The following CUL3 variants were observed in gnomAD, a reference collection of about 807,000 sequenced individuals.
CUL3 encodes cullin 3, also known as cullin-3.
A neutral mutation model predicts 89.1 loss-of-function variants in CUL3; 19 were observed. That is an observed-to-expected ratio of 0.21 (90% CI 0.15 to 0.31). The LOEUF is 0.31. Ranked by LOEUF, CUL3 falls within the 10% of genes least tolerant of loss-of-function variation. The pLI is 1.00. For missense variants in CUL3, 469 were observed against 942.3 expected (o/e 0.50, Z 6.58); for synonymous variants, 351 against 308.4 (o/e 1.14, Z -1.45).
chr2:224,560,509 A>G (rs1694869530), intron 1 of CUL3: 1 of 153,002 alleles, frequency 6.5e-6, no homozygotes, highest in Non-Finnish European at 1.5e-5. Flanking sequence ...CAGCTGAACA[A>G]ATGTCCACTC....
intron 3 of CUL3, among the ~76,000 whole-genome samples, chr2:224,526,731 C>T (rs1375583606): frequency 6.6e-6 from 1 of 150,766 alleles, no homozygotes; most frequent in African/African-American, 2.4e-5. Context: ...AAAATCATCA[C>T]TGCATATACC....
intron 3 of CUL3, among the ~76,000 whole-genome samples, chr2:224,533,962 A>G (rs977165089): frequency 3.9e-5 from 6 of 152,188 alleles, no homozygotes; most frequent in Non-Finnish European, 5.9e-5. Context: ...AATTCTTCCC[A>G]AACATTGCTT....
intron 6 of CUL3, among the ~76,000 whole-genome samples, chr2:224,508,976 A>ATACC (rs1419965047): frequency 2.0e-5 from 3 of 151,800 alleles, no homozygotes. Flanking sequence ...AAAAAAAAAG[A>ATACC]TACCTCTGAA....
intron 9 of CUL3, 65 bp downstream of exon 9, chr2:224,503,584 CGTT>C: frequency 8.1e-7 from 1 of 1,239,886 alleles, no homozygotes; most frequent in South Asian, 1.8e-5. Context: ...TTTCCAATCA[CGTT>C]GTCAGTACAC....
chr2:224,520,593 A>G (rs560738980), intron 3 of CUL3, among the ~76,000 whole-genome samples: 1 of 152,294 alleles, frequency 6.6e-6, no homozygotes, highest in Non-Finnish European at 1.5e-5. Flanking sequence ...TAAAACATCA[A>G]CTAGGACAGG....
intron 5 of CUL3, 61 bp from the exon 6 acceptor site, chr2:224,511,643 G>C: frequency 1.1e-6 from 1 of 932,746 alleles, no homozygotes; most frequent in Non-Finnish European, 1.6e-6. Context: ...TTTGCTTTTA[G>C]CTGGGTTTCT....
intron 3 of CUL3, among the ~76,000 whole-genome samples, chr2:224,515,869 T>C (rs1200550335): frequency 6.6e-6 from 1 of 152,102 alleles, no homozygotes; most frequent in African/African-American, 2.4e-5. Flanking sequence ...ATCTTTTTAT[T>C]TTTTTGTGGA....
At chr2:224,477,631 T>C (rs180704908) in intron 15 of CUL3, among the ~76,000 whole-genome samples, 27 of 152,296 alleles carry the variant, frequency 1.8e-4, no homozygotes, top group African/African-American at 6.5e-4. Flanking sequence ...CTCTTTTTGG[T>C]TAAAGAAACA....
At chr2:224,571,791 T>C (rs1007833953) in intron 1 of CUL3, among the ~76,000 whole-genome samples, 2 of 152,228 alleles carry the variant, frequency 1.3e-5, no homozygotes, top group African/African-American at 4.8e-5. Flanking sequence ...TCACACAAAA[T>C]ATTTCAAACA....
chr2:224,488,008 A>G (rs1304225519), intron 13 of CUL3, among the ~76,000 whole-genome samples: 1 of 152,208 alleles, frequency 6.6e-6, no homozygotes, highest in Admixed American at 6.5e-5. Context: ...GTGGGTAAAT[A>G]ACACAATGAA....
chr2:224,567,462 G>A (rs140725332), intron 1 of CUL3, among the ~76,000 whole-genome samples: 2,571 of 152,120 alleles, frequency 0.017, 37 homozygotes, highest in Middle Eastern at 0.027. Flanking sequence ...GGCTTCGGCC[G>A]GGCACGGTGG....
At chr2:224,477,084 CCACT>C (rs10532370) in intron 15 of CUL3, among the ~76,000 whole-genome samples, 27,974 of 152,016 alleles carry the variant, frequency 0.18, 2,896 homozygotes, top group South Asian at 0.27. Context: ...ATATTACTGA[CCACT>C]CACTCCTTGT....
chr2:224,584,915 G>T, intron 1 of CUL3, 29 bp downstream of exon 1: 2 of 1,445,638 alleles, frequency 1.4e-6, no homozygotes, highest in East Asian at 3.1e-5. Flanking sequence ...CCCCGGCCCC[G>T]GGGTCCCGGA....
rs541720971 is a variant in CUL3, at chr2:224,514,596, A to C, written c.539+16T>G. On this transcript the variant is annotated intron_variant, in intron 4 of 15. Coordinates refer to ENST00000264414, the MANE Select transcript of CUL3 (RefSeq NM_003590.5). ...CACTAAAACCAAAACCACAAGAGTA[A>C]AGAGAGAAATTTTACCTGTCTACGA... is the stretch of plus-strand genomic sequence containing the variant. The C allele has an allele frequency of 5.0e-6, 8 of 1,598,160 alleles. No individual in the cohort carries two copies. Among genetic ancestry groups the C allele is most frequent in the Middle Eastern group, 1.7e-4 (1 of 5,956 alleles).
At chr2:224,497,641 A>C (rs576315617) in intron 12 of CUL3, 112 bp downstream of exon 12, 1 of 752,604 alleles carries the variant, frequency 1.3e-6, no homozygotes, top group East Asian at 2.7e-5. Context: ...CTAACATGTG[A>C]GACAGGCAGA....
chr2:224,574,759 T>C (rs1695262254), intron 1 of CUL3, among the ~76,000 whole-genome samples: 1 of 152,230 alleles, frequency 6.6e-6, no homozygotes, highest in African/African-American at 2.4e-5. Flanking sequence ...CTATTAGCAT[T>C]TTCTGACATG....
intron 3 of CUL3, among the ~76,000 whole-genome samples, chr2:224,518,647 T>C (rs1693153535): frequency 6.6e-6 from 1 of 152,246 alleles, no homozygotes. Context: ...GTTAACTGGC[T>C]ATGTGACCTT....
intron 1 of CUL3, 120 bp downstream of exon 1, chr2:224,584,824 C>A (rs1376922179): frequency 1.8e-6 from 1 of 567,464 alleles, no homozygotes; most frequent in Non-Finnish European, 2.4e-6. Flanking sequence ...CCGCGGCCGG[C>A]GGGCGTGGGG....
chr2:224,578,786 C>T (rs1312990989), intron 1 of CUL3, among the ~76,000 whole-genome samples: 1 of 152,098 alleles, frequency 6.6e-6, no homozygotes, highest in Admixed American at 6.5e-5. Flanking sequence ...AACAGGACTA[C>T]TAAAGACCAT....
Sources: gnomAD v4.1 joint callset for allele counts (sites outside exome capture counted in the v4.1 genomes callset) on GRCh38, gnomAD v4.1.1 for gene constraint, MANE v1.5 for transcripts, NCBI Gene and HGNC (gene_info 2026-07-23, HGNC 2026-07-21) for gene names.